Variants in MSRA observed in about 807,000 individuals in gnomAD.
The protein encoded by MSRA is mitochondrial peptide methionine sulfoxide reductase.
A neutral mutation model predicts 31.3 loss-of-function variants in MSRA; 54 were observed. The ratio of observed to expected loss-of-function variants is 1.73; its 90% CI spans 1.39 to 2.17. MSRA has a LOEUF of 2.17. Ranked by LOEUF, MSRA falls within the 30% of genes most tolerant of loss-of-function variation. MSRA has a pLI of 0.00. For synonymous variants in MSRA, 169 were observed against 116.5 expected (o/e 1.45, Z -2.90); for missense variants, 507 against 300.9 (o/e 1.69, Z -5.07).
intron 1 of MSRA, among the ~76,000 whole-genome samples, chr8:10,176,127 C>T (rs1806028789): frequency 6.6e-6 from 1 of 152,166 alleles, no homozygotes; most frequent in Non-Finnish European, 1.5e-5. Flanking sequence ...GTGTTTAATG[C>T]AGATCTTTTA....
rs147783921 is a variant in MSRA, at chr8:10,241,632, C to G, written c.212-3472C>G. ...ATGAAGTGATAGAATTAGAAGATCA[C>G]TATTTTGCAACTCTCCAGGAATTAA... On this transcript the variant is annotated intron_variant, in intron 2 of 5. Coordinates refer to ENST00000317173, the MANE Select transcript of MSRA (RefSeq NM_012331.5). 5.1e-4 allele frequency among the ~76,000 whole-genome samples: 78 copies of G among 152,274 alleles called. No homozygotes were observed. The East Asian group carries it at 9.8e-3, about 19-fold the overall frequency.
chr8:10,194,405 A>C (rs868447341), intron 1 of MSRA, among the ~76,000 whole-genome samples: 9 of 152,158 alleles, frequency 5.9e-5, no homozygotes, highest in African/African-American at 2.2e-4. Context: ...GTCTCTACTA[A>C]AAGTACAAAA....
At chr8:10,074,916 C>T (rs979752434) in intron 1 of MSRA, among the ~76,000 whole-genome samples, 1 of 152,112 alleles carries the variant, frequency 6.6e-6, no homozygotes, top group Non-Finnish European at 1.5e-5. Context: ...GTCTCGGCCT[C>T]CCGAAGTGCT....
intron 3 of MSRA, among the ~76,000 whole-genome samples, chr8:10,270,519 C>G (rs1305240341): frequency 6.6e-6 from 1 of 152,010 alleles, no homozygotes; most frequent in Non-Finnish European, 1.5e-5. Flanking sequence ...AGACTGCCAG[C>G]TTGACAGCAG....
intron 1 of MSRA, among the ~76,000 whole-genome samples, chr8:10,202,733 C>T (rs75707196): frequency 0.016 from 2,503 of 152,282 alleles, 72 homozygotes; most frequent in African/African-American, 0.057. Context: ...ATAATACCAG[C>T]CTAACTGTTA....
At chr8:10,150,159 A>C (rs2129036163) in intron 1 of MSRA, among the ~76,000 whole-genome samples, 1 of 152,138 alleles carries the variant, frequency 6.6e-6, no homozygotes, top group South Asian at 2.1e-4. Flanking sequence ...ATCGGCAGTG[A>C]GGGAAAAGTA....
chr8:10,321,756 A>T (rs1249192581), intron 5 of MSRA, among the ~76,000 whole-genome samples: 1 of 152,166 alleles, frequency 6.6e-6, no homozygotes, highest in African/African-American at 2.4e-5. Context: ...GGCTTACATG[A>T]CAAGGACAAA....
chr8:10,198,648 A>G (rs1808206255), intron 1 of MSRA, among the ~76,000 whole-genome samples: 1 of 152,150 alleles, frequency 6.6e-6, no homozygotes, highest in South Asian at 2.1e-4. Context: ...TAGTTGTGGC[A>G]GGGTCTCCTC....
At chr8:10,183,379 T>A (rs1161920024) in intron 1 of MSRA, among the ~76,000 whole-genome samples, 1 of 151,930 alleles carries the variant, frequency 6.6e-6, no homozygotes, top group Non-Finnish European at 1.5e-5. Context: ...TGATAATGGG[T>A]CAGAAAGTAT....
intron 1 of MSRA, among the ~76,000 whole-genome samples, chr8:10,162,530 G>A (rs749210691): frequency 1.3e-5 from 2 of 152,144 alleles, no homozygotes; most frequent in Non-Finnish European, 2.9e-5. Flanking sequence ...GTTGAGTGGG[G>A]CAGGTGACGG....
chr8:10,283,025 TCTTAA>T (rs2129108057), intron 3 of MSRA, among the ~76,000 whole-genome samples: 1 of 152,212 alleles, frequency 6.6e-6, no homozygotes, highest in African/African-American at 2.4e-5. Context: ...AAAATTCCAT[TCTTAA>T]CTTCAAGAGC....
chr8:10,310,830 A>G (rs1758381243), intron 4 of MSRA, among the ~76,000 whole-genome samples: 1 of 152,260 alleles, frequency 6.6e-6, no homozygotes, highest in Admixed American at 6.5e-5. Flanking sequence ...AGCAGAAAAC[A>G]TGACCCACTG....
chr8:10,092,877 T>G (rs751166223), intron 1 of MSRA, among the ~76,000 whole-genome samples: 1 of 152,226 alleles, frequency 6.6e-6, no homozygotes, highest in Non-Finnish European at 1.5e-5. Flanking sequence ...TCTGTTCTTA[T>G]GTATGTTTAT....
chr8:10,318,898 G>C (rs547240318), intron 4 of MSRA, among the ~76,000 whole-genome samples: 60 of 152,296 alleles, frequency 3.9e-4, no homozygotes, highest in Non-Finnish European at 6.9e-4. Flanking sequence ...GCAAGCAGTA[G>C]CAGTTCCTTC....
chr8:10,426,178 C>G (rs1244659127), intron 5 of MSRA, among the ~76,000 whole-genome samples: 2 of 152,116 alleles, frequency 1.3e-5, no homozygotes, highest in Admixed American at 6.5e-5. Context: ...TGTTAGTTAG[C>G]CAACCCCACG....
intron 2 of MSRA, among the ~76,000 whole-genome samples, chr8:10,222,384 G>A (rs1320646979): frequency 6.6e-6 from 1 of 152,138 alleles, no homozygotes; most frequent in African/African-American, 2.4e-5. Context: ...GCAAGTGTTG[G>A]TGAGGACTCT....
chr8:10,348,155 G>A (rs1301124761), intron 5 of MSRA, among the ~76,000 whole-genome samples: 1 of 152,120 alleles, frequency 6.6e-6, no homozygotes, highest in African/African-American at 2.4e-5. Flanking sequence ...TGTAAATCCT[G>A]AGACCATATA....
intron 1 of MSRA, among the ~76,000 whole-genome samples, chr8:10,070,014 C>G (rs1797653086): frequency 6.6e-6 from 1 of 152,148 alleles, no homozygotes; most frequent in African/African-American, 2.4e-5. Context: ...CGGGTACCTC[C>G]CTGTTAAATC....
chr8:10,060,680 C>A (rs1311819210), intron 1 of MSRA, among the ~76,000 whole-genome samples: 1 of 146,574 alleles, frequency 6.8e-6, no homozygotes, highest in East Asian at 2.1e-4. Flanking sequence ...TCAAGTACAT[C>A]TTTTTTCTGC....
Sources: gnomAD v4.1 joint callset for allele counts (sites outside exome capture counted in the v4.1 genomes callset) on GRCh38, gnomAD v4.1.1 for gene constraint, MANE v1.5 for transcripts, NCBI Gene and HGNC (gene_info 2026-07-23, HGNC 2026-07-21) for gene names.